Variants in BTAF1 observed in about 807,000 individuals in gnomAD.
BTAF1 encodes the protein B-TFIID TATA-box binding protein associated factor 1, also known as TATA-binding protein-associated factor 172.
In BTAF1, 38 loss-of-function variants were observed where a neutral mutation model predicts 227.1. The ratio of observed to expected loss-of-function variants is 0.17; its 90% CI spans 0.13 to 0.22. The LOEUF (loss-of-function observed/expected upper bound fraction) is 0.22, where lower values mean the gene tolerates loss of function less well. Ranked by LOEUF, BTAF1 falls within the 10% of genes least tolerant of loss-of-function variation. BTAF1 has a pLI of 1.00. For synonymous variants in BTAF1, 742 were observed against 751.9 expected (o/e 0.99, Z 0.21); for missense variants, 1,598 against 2,204.0 (o/e 0.73, Z 5.51).
chr10:91,938,122 C>T (rs1844759064), intron 2 of BTAF1, among the ~76,000 whole-genome samples: 1 of 152,164 alleles, frequency 6.6e-6, no homozygotes, highest in African/African-American at 2.4e-5. Context: ...CTACTCAGAT[C>T]CCTTGCCCAT....
intron 2 of BTAF1, among the ~76,000 whole-genome samples, chr10:91,936,862 G>T (rs1461986550): frequency 6.6e-6 from 1 of 152,176 alleles, no homozygotes; most frequent in African/African-American, 2.4e-5. Context: ...AGCCTTCCCA[G>T]TGAGTTCTGG....
chr10:91,936,626 T>C (rs1161653555), intron 2 of BTAF1, among the ~76,000 whole-genome samples: 3 of 152,198 alleles, frequency 2.0e-5, no homozygotes, highest in Non-Finnish European at 4.4e-5. Flanking sequence ...TATCAGAACT[T>C]TCTAACTAGG....
intron 25 of BTAF1, among the ~76,000 whole-genome samples, chr10:92,002,002 ACACACACACACACT>A (rs1849578801): frequency 1.5e-5 from 2 of 135,402 alleles, no homozygotes; most frequent in Admixed American, 8.0e-5. Context: ...ACACACACAC[ACACACACACACACT>A]CCATATATTC....
Position 91,980,184 on chromosome 10 carries a change from T to C in BTAF1, c.1651-270T>C, listed in dbSNP as rs141110316. ...GGATGGTTCCATATGGAGGATGATT[T>C]CAACTTTGAGGAAAAATTGTTGTTA... On this transcript the variant is annotated intron_variant, in intron 14 of 37. Coordinates refer to ENST00000265990, the MANE Select transcript of BTAF1 (RefSeq NM_003972.3). Among the ~76,000 whole-genome samples the C allele has an allele frequency of 7.4e-3, 1,124 of 152,266 alleles. 14 individuals are homozygous for C. Among genetic ancestry groups the C allele is most frequent in the South Asian group, 0.041 (199 of 4,824 alleles).
chr10:91,970,539 T>C (rs959962555), intron 14 of BTAF1, among the ~76,000 whole-genome samples: 3 of 152,172 alleles, frequency 2.0e-5, no homozygotes, highest in African/African-American at 7.2e-5. Flanking sequence ...AATTGTCAGA[T>C]CTTGTAAGAA....
chr10:92,022,426 T>A (rs1851204879), intron 34 of BTAF1, among the ~76,000 whole-genome samples: 1 of 152,118 alleles, frequency 6.6e-6, no homozygotes, highest in Non-Finnish European at 1.5e-5. Flanking sequence ...TAACACTTTT[T>A]TTTTCTTCTC....
At chr10:92,020,834 A>G (rs1404221984) in intron 34 of BTAF1, among the ~76,000 whole-genome samples, 1 of 152,188 alleles carries the variant, frequency 6.6e-6, no homozygotes, top group African/African-American at 2.4e-5. Flanking sequence ...TAAAAATTGA[A>G]TTTCATCCAT....
intron 25 of BTAF1, among the ~76,000 whole-genome samples, chr10:92,001,993 C>T (rs1256094185): frequency 3.9e-5 from 4 of 101,326 alleles, no homozygotes; most frequent in African/African-American, 1.1e-4. Context: ...TATACACACA[C>T]ACACACACAC....
At chr10:92,003,033 T>C (rs996645936) in intron 25 of BTAF1, among the ~76,000 whole-genome samples, 1 of 151,952 alleles carries the variant, frequency 6.6e-6, no homozygotes, top group African/African-American at 2.4e-5. Flanking sequence ...GGCACGCACC[T>C]GTAATCCCAG....
intron 19 of BTAF1, among the ~76,000 whole-genome samples, chr10:91,988,859 G>T (rs1848573766): frequency 6.6e-6 from 1 of 152,176 alleles, no homozygotes; most frequent in Non-Finnish European, 1.5e-5. Flanking sequence ...TATTCTGCGG[G>T]TGTTAAATGT....
Position 91,960,271 on chromosome 10 carries a change from C to G in BTAF1, c.1263+117C>G, listed in dbSNP as rs533751228. On this transcript the variant is annotated intron_variant, in intron 11 of 37. Coordinates refer to ENST00000265990, the MANE Select transcript of BTAF1 (RefSeq NM_003972.3). ...TACTGTTACAGAGAAGCCAGTCTTC[C>G]AAGATTTGCCGTCTTGAGAGAGTGT... 6.2e-4 allele frequency: 690 copies of G among 1,119,182 alleles called. 2 individuals are homozygous for G. The highest frequency in any genetic ancestry group is 7.5e-4 in the Non-Finnish European group (609 of 812,050). 69.3% of individuals were successfully genotyped at this position (1,119,182 alleles called of 1,614,324 possible).
chr10:91,999,486 C>A (rs1045110217), intron 25 of BTAF1, among the ~76,000 whole-genome samples: 10 of 152,170 alleles, frequency 6.6e-5, no homozygotes, highest in Non-Finnish European at 1.5e-4. Context: ...CCTCTGCCTC[C>A]CGGGTTCAAG....
intron 6 of BTAF1, 30 bp from the exon 7 acceptor site, chr10:91,956,498 A>G: frequency 6.3e-7 from 1 of 1,580,414 alleles, no homozygotes; most frequent in Non-Finnish European, 8.6e-7. Context: ...CGCTTTATTC[A>G]TTTTCTAAAT....
At position 91,964,160 on chromosome 10, in the gene BTAF1, C is replaced by T. The variant is rs756809334; in HGVS notation, c.1488C>T (p.Leu496=). The change falls in exon 13 of 38, where the codon CTC becomes CTT. Residue 496 remains leucine, a synonymous_variant. Transcript: ENST00000265990. ...CTTCAACAAATAGTATTATGACTCT[C>T]CTTTCATCCTTGTTAACTTACCCTC... The part of the protein sequence containing the change: ...LTASTNSIMT[L]LSSLLTYPQV... 1.2e-5 allele frequency: 20 copies of T among 1,612,854 alleles called. No individual in the cohort carries two copies. In the Admixed American group the frequency reaches 2.8e-4, roughly 23 times the overall value.
chr10:92,008,045 T>G, intron 25 of BTAF1, 78 bp from the exon 26 acceptor site: 1 of 1,288,408 alleles, frequency 7.8e-7, no homozygotes, highest in Non-Finnish European at 1.1e-6. Flanking sequence ...TTTCTGTGTG[T>G]TTGTTTTGTG....
chr10:91,992,546 A>C (rs1848866593), intron 21 of BTAF1, among the ~76,000 whole-genome samples: 1 of 152,210 alleles, frequency 6.6e-6, no homozygotes. Context: ...TTGTAAACTA[A>C]TTCAGTCCTA....
In BTAF1 at chr10:91,996,494, T is replaced by C. The variant is rs749407562; in HGVS notation, c.3435T>C (p.Phe1145=). ...CTACCATGGAAACAATGAATATTTT[T>C]TTGGAGAAGGTTCTTCCGTGGCTGG... ...KIATMETMNI[F]LEKVLPWLGA... is the part of the protein sequence containing the mutation. Residue 1145 remains phenylalanine, a synonymous_variant, in exon 24 of 38, where the codon TTT becomes TTC. Coordinates refer to ENST00000265990, the MANE Select transcript of BTAF1 (RefSeq NM_003972.3). The C allele has an allele frequency of 1.9e-6, 3 of 1,614,182 alleles. No individual in the cohort carries two copies. In the East Asian group the frequency reaches 6.7e-5, roughly 36 times the overall value.
intron 4 of BTAF1, among the ~76,000 whole-genome samples, chr10:91,950,148 T>TGTTGG (rs1554851556): frequency 0.058 from 1,391 of 24,156 alleles, 83 homozygotes; most frequent in East Asian, 0.12. Flanking sequence ...TTGTCCTTTG[T>TGTTGG]GGGGGGGGGC....
intron 34 of BTAF1, among the ~76,000 whole-genome samples, chr10:92,020,740 G>A (rs1466359499): frequency 6.6e-6 from 1 of 152,128 alleles, no homozygotes; most frequent in Non-Finnish European, 1.5e-5. Flanking sequence ...AATGTTCATG[G>A]TTTTCCTAAC....
Sources: gnomAD v4.1 joint callset for allele counts (sites outside exome capture counted in the v4.1 genomes callset) on GRCh38, gnomAD v4.1.1 for gene constraint, MANE v1.5 for transcripts, NCBI Gene and HGNC (gene_info 2026-07-23, HGNC 2026-07-21) for gene names.